The following TCHP variants were observed in gnomAD, a reference collection of about 807,000 sequenced individuals.
The protein encoded by TCHP is trichoplein keratin filament-binding protein.
In TCHP, 81 loss-of-function variants were observed where a neutral mutation model predicts 88.7. That is an observed-to-expected ratio of 0.91 (90% CI 0.76 to 1.10). The LOEUF (loss-of-function observed/expected upper bound fraction) is 1.10. Among genes scored for constraint, TCHP ranks in the 50% least tolerant of loss-of-function variants. TCHP has a pLI of 0.00. For missense variants in TCHP, 641 were observed against 632.1 expected, an observed-to-expected ratio of 1.01 and a Z score of -0.15; for synonymous variants, 232 against 232.5, an observed-to-expected ratio of 1.00 and a Z score of 0.02.
chr12:109,903,532 T>G lies in TCHP; in HGVS notation c.188+318T>G, dbSNP rs1332705257. On this transcript the variant is annotated intron_variant, in intron 2 of 12. Coordinates refer to ENST00000405876, the MANE Select transcript of TCHP (RefSeq NM_001143852.2). The surrounding 1 kb of genome is among the most constrained non-coding windows in gnomAD (Gnocchi z 4.6). ...TCCCACTGGTATTTGTGCTTAAATA[T>G]ACACACACAAAGCTACTTTTATAGA... 6.6e-6 allele frequency among the ~76,000 whole-genome samples: 1 copy of G among 152,198 alleles called. No homozygotes were observed. Among genetic ancestry groups the G allele is most frequent in the Non-Finnish European group, 1.5e-5 (1 of 68,032 alleles).
intron 9 of TCHP, 103 bp downstream of exon 9, chr12:109,911,338 G>A (rs944708199): frequency 1.6e-5 from 10 of 631,626 alleles, no homozygotes; most frequent in Admixed American, 3.3e-5. Flanking sequence ...TTGGCTGGGC[G>A]TGGAGGCTCA....
chr12:109,902,235 A>G (rs1195271822), intron 1 of TCHP, among the ~76,000 whole-genome samples: 1 of 152,116 alleles, frequency 6.6e-6, no homozygotes, highest in Admixed American at 6.6e-5. Flanking sequence ...CAGTGGCGCT[A>G]TCATGGCTCG....
chr12:109,915,566 A>G lies in TCHP; in HGVS notation c.1464+20A>G, dbSNP rs1013503179. 8 of 1,601,006 alleles carry G rather than the reference A, an allele frequency of 5.0e-6. No individual in the cohort carries two copies. The African/African-American group carries it at 8.0e-5, about 16-fold the overall frequency. ...CCTAAGGTAGGAAGTCTGCCAGGATATAGGCCAACACCGGCAAGACAGACT... is the reference window on the plus strand; with the variant it reads ...CCTAAGGTAGGAAGTCTGCCAGGATGTAGGCCAACACCGGCAAGACAGACT... On this transcript the variant is annotated intron_variant, in intron 12 of 12. Coordinates refer to ENST00000405876, the MANE Select transcript of TCHP (RefSeq NM_001143852.2).
chr12:109,896,994 A>T (rs1272188259), upstream of TCHP, among the ~76,000 whole-genome samples: 1 of 152,136 alleles, frequency 6.6e-6, no homozygotes, highest in Admixed American at 6.6e-5. Context: ...TGGCATGGGG[A>T]ATGCAGCAAG....
At chr12:109,910,073 A>T (rs1012531443) in intron 8 of TCHP, among the ~76,000 whole-genome samples, 2 of 152,180 alleles carry the variant, frequency 1.3e-5, no homozygotes, top group Non-Finnish European at 1.5e-5. Context: ...CAGGAGGTGG[A>T]GGTTGCAGTG....
At chr12:109,894,183 T>A in the TCHP span, among the ~76,000 whole-genome samples, 1 of 142,962 alleles carries the variant, frequency 7.0e-6, no homozygotes, top group Non-Finnish European at 1.5e-5. Context: ...AGACTCAGTC[T>A]TAAAAAAAAA....
intron 1 of TCHP, among the ~76,000 whole-genome samples, chr12:109,901,772 G>T (rs541607595): frequency 6.6e-6 from 1 of 152,246 alleles, no homozygotes; most frequent in South Asian, 2.1e-4. Context: ...TTGCATCTGA[G>T]CTCCCCTCCC....
the TCHP span, among the ~76,000 whole-genome samples, chr12:109,890,717 C>T: frequency 6.6e-6 from 1 of 152,126 alleles, no homozygotes; most frequent in Non-Finnish European, 1.5e-5. Flanking sequence ...ACCACGTTGG[C>T]CAGGCTGGTG....
At chr12:109,885,801 A>T in the TCHP span, among the ~76,000 whole-genome samples, 1 of 150,598 alleles carries the variant, frequency 6.6e-6, no homozygotes, top group Non-Finnish European at 1.5e-5. Flanking sequence ...TTTAAGAGGC[A>T]CAGTCTTGCT....
intron 5 of TCHP, among the ~76,000 whole-genome samples, chr12:109,906,911 C>T (rs1592908733): frequency 6.6e-6 from 1 of 152,152 alleles, no homozygotes; most frequent in East Asian, 1.9e-4. Flanking sequence ...CTTTTGGAGG[C>T]AGGGTCTTGC....
At chr12:109,914,372 C>T in intron 10 of TCHP, 70 bp from the exon 11 acceptor site, 1 of 1,447,606 alleles carries the variant, frequency 6.9e-7, no homozygotes, top group Non-Finnish European at 9.4e-7. Flanking sequence ...TGCAGCCTGT[C>T]CAAGGCTTGT....
chr12:109,895,569 G>A (rs1869538339), upstream of TCHP, among the ~76,000 whole-genome samples: 1 of 152,060 alleles, frequency 6.6e-6, no homozygotes, highest in African/African-American at 2.4e-5. Context: ...AAGCAGCCTA[G>A]TAGCCCCAGG....
In TCHP at chr12:109,905,644, T is replaced by C. The variant is rs1050707405; in HGVS notation, c.456+851T>C. Among the ~76,000 whole-genome samples, 1 of 152,228 alleles carries C rather than the reference T, an allele frequency of 6.6e-6. No individual in the cohort carries two copies. On this transcript the variant is annotated intron_variant, in intron 4 of 12. Coordinates refer to ENST00000405876, the MANE Select transcript of TCHP (RefSeq NM_001143852.2). The surrounding 1 kb of genome is among the most constrained non-coding windows in gnomAD (Gnocchi z 4.0). Reference sequence around the variant, plus strand: ...TCATTTATTTTCAACTTACAGTTTTTGTATACATTTGGTGCCTTCGTGTTA... The same window carrying C: ...TCATTTATTTTCAACTTACAGTTTTCGTATACATTTGGTGCCTTCGTGTTA...
chr12:109,901,599 C>G (rs988936258), intron 1 of TCHP, among the ~76,000 whole-genome samples: 5 of 152,180 alleles, frequency 3.3e-5, no homozygotes, highest in African/African-American at 1.2e-4. Flanking sequence ...ACCATAAAAC[C>G]TTGAGTTGGT....
At chr12:109,885,490 T>G in the TCHP span, among the ~76,000 whole-genome samples, 1 of 149,478 alleles carries the variant, frequency 6.7e-6, no homozygotes, top group Middle Eastern at 3.4e-3. Context: ...TTTTTTTTTT[T>G]TTTTTTTTTT....
chr12:109,882,124 G>A, the TCHP span, among the ~76,000 whole-genome samples: 3 of 152,180 alleles, frequency 2.0e-5, no homozygotes, highest in Non-Finnish European at 4.4e-5. Flanking sequence ...ACTGAAGCCT[G>A]TTGGCTGAGA....
chr12:109,902,442 T>C (rs1289895193), intron 1 of TCHP, among the ~76,000 whole-genome samples: 1 of 152,172 alleles, frequency 6.6e-6, no homozygotes, highest in African/African-American at 2.4e-5. Context: ...ATTACAGGCA[T>C]GAGCCACTGT....
In TCHP at chr12:109,903,052, A is replaced by G. The variant is rs773121863; in HGVS notation, c.26A>G (p.Tyr9Cys). MALPTLPS[Y>C]WCSQQRLNQQ... ...ATGGCGCTCCCGACGCTGCCGTCCT[A>G]CTGGTGCAGCCAGCAGCGCCTGAAT... Residue 9 changes from tyrosine (Y) to cysteine (C), a missense_variant, in exon 2 of 13, where the codon TAC becomes TGC. Tyr to Cys is a radical substitution (Grantham distance 194). Coordinates refer to ENST00000405876, the MANE Select transcript of TCHP (RefSeq NM_001143852.2). This position sits in a 1 kb window ranked among gnomAD's most constrained non-coding sequence, Gnocchi z 4.6. The G allele has an allele frequency of 1.9e-6, 3 of 1,611,308 alleles. No individual in the cohort carries two copies. The highest frequency in any genetic ancestry group is 2.2e-5 in the East Asian group (1 of 44,818).
the TCHP span, among the ~76,000 whole-genome samples, chr12:109,885,664 G>T: frequency 8.9e-4 from 135 of 151,948 alleles, no homozygotes; most frequent in African/African-American, 3.2e-3. Flanking sequence ...TGTATTTTTA[G>T]TAGAGACAGG....
Sources: gnomAD v4.1 joint callset for allele counts (sites outside exome capture counted in the v4.1 genomes callset) on GRCh38, gnomAD v4.1.1 for gene constraint, Gnocchi (gnomAD v3.1) non-coding constraint, MANE v1.5 for transcripts, NCBI Gene and HGNC (gene_info 2026-07-23, HGNC 2026-07-21) for gene names.